The following PDZD2 variants were observed in gnomAD, a reference collection of about 807,000 sequenced individuals.
PDZD2 encodes PDZ domain-containing protein 2.
Under a neutral mutation model 220.7 loss-of-function variants are expected in PDZD2, and 90 were observed. That is an observed-to-expected ratio of 0.41 (90% CI 0.34 to 0.49). The LOEUF is 0.49. Among genes scored for constraint, PDZD2 ranks in the 20% least tolerant of loss-of-function variants. The pLI is 0.28. For missense variants in PDZD2, 3,174 were observed against 3,608.5 expected (o/e 0.88, Z 3.08); for synonymous variants, 1,375 against 1,450.5 (o/e 0.95, Z 1.18).
At chr5:31,842,250 T>C (rs949348795) in intron 2 of PDZD2, among the ~76,000 whole-genome samples, 11 of 152,218 alleles carry the variant, frequency 7.2e-5, no homozygotes, top group African/African-American at 2.7e-4. Flanking sequence ...ACAATTACAG[T>C]CATTGTTAAT....
chr5:31,870,093 T>C (rs1738645089), intron 2 of PDZD2, among the ~76,000 whole-genome samples: 1 of 152,214 alleles, frequency 6.6e-6, no homozygotes, highest in Non-Finnish European at 1.5e-5. Context: ...CACCTGTTTC[T>C]GTGTTCTTGG....
At chr5:31,910,442 T>C (rs1240273550) in intron 2 of PDZD2, among the ~76,000 whole-genome samples, 5 of 148,798 alleles carry the variant, frequency 3.4e-5, no homozygotes, top group African/African-American at 1.2e-4. Flanking sequence ...AGTCTCACTC[T>C]GTCAACTGGG....
chr5:31,960,116 G>C (rs895882037), intron 2 of PDZD2, among the ~76,000 whole-genome samples: 4 of 152,136 alleles, frequency 2.6e-5, no homozygotes, highest in African/African-American at 9.7e-5. Context: ...TGAGGTTTCA[G>C]GTGGACAGGA....
chr5:32,096,829 A>ATTTTT lies in PDZD2; in HGVS notation c.7846-430_7846-426dup, dbSNP rs71831480. On this transcript the variant is annotated intron_variant, in intron 21 of 24. Transcript: ENST00000438447. Reference sequence around the variant, plus strand: ...CATCATGATCAAATTATGTACTATGATTTTTTTTTTTTTTTTTTTTTTTTG... The same window carrying ATTTTT: ...CATCATGATCAAATTATGTACTATGATTTTTTTTTTTTTTTTTTTTTTTTTTTTTG... Among the ~76,000 whole-genome samples the ATTTTT allele has an allele frequency of 4.6e-3, 445 of 96,786 alleles. 19 individuals carry two copies. The highest frequency in any genetic ancestry group is 5.5e-3 in the East Asian group (17 of 3,086). 63.5% of individuals were successfully genotyped at this position (96,786 alleles called of 152,430 possible). A position where few individuals can be genotyped will look rare whatever the true frequency, so the allele number is the denominator to read the frequency against.
chr5:31,645,744 C>A (rs1267775700), intron 1 of PDZD2, among the ~76,000 whole-genome samples: 1 of 152,078 alleles, frequency 6.6e-6, no homozygotes, highest in African/African-American at 2.4e-5. Context: ...CTCAGGACAG[C>A]CATCATCCTG....
chr5:31,834,678 G>A (rs1394184423), intron 2 of PDZD2, among the ~76,000 whole-genome samples: 1 of 142,444 alleles, frequency 7.0e-6, no homozygotes, highest in African/African-American at 2.6e-5. Flanking sequence ...AGTGATTAGG[G>A]AACATACCTT....
chr5:32,011,575 G>A (rs1753327067), intron 6 of PDZD2, among the ~76,000 whole-genome samples: 1 of 152,088 alleles, frequency 6.6e-6, no homozygotes, highest in African/African-American at 2.4e-5. Context: ...TTTTTAGTGT[G>A]AACTCTTATT....
intron 2 of PDZD2, among the ~76,000 whole-genome samples, chr5:31,932,417 C>T (rs1581109273): frequency 2.0e-5 from 3 of 151,990 alleles, no homozygotes; most frequent in South Asian, 2.1e-4. Context: ...GGCGTGGTGG[C>T]GTGTGCCTGT....
At chr5:31,930,772 A>G (rs966162900) in intron 2 of PDZD2, among the ~76,000 whole-genome samples, 1 of 152,118 alleles carries the variant, frequency 6.6e-6, no homozygotes, top group Non-Finnish European at 1.5e-5. Context: ...GGCATGCCCT[A>G]AAAAACCCAC....
At chr5:31,978,619 G>A (rs539903160) in intron 2 of PDZD2, among the ~76,000 whole-genome samples, 1 of 151,526 alleles carries the variant, frequency 6.6e-6, no homozygotes, top group African/African-American at 2.4e-5. Context: ...GGAGGCTGAG[G>A]CAGGAGAATG....
chr5:31,881,318 C>T (rs1040876147), intron 2 of PDZD2, among the ~76,000 whole-genome samples: 3 of 135,954 alleles, frequency 2.2e-5, no homozygotes, highest in South Asian at 2.4e-4. Flanking sequence ...CATCCCATTT[C>T]CATATATATG....
At chr5:31,998,074 C>T (rs1172866119) in intron 4 of PDZD2, among the ~76,000 whole-genome samples, 1 of 152,122 alleles carries the variant, frequency 6.6e-6, no homozygotes, top group African/African-American at 2.4e-5. Flanking sequence ...AACTCCTGAC[C>T]TCGTGATCCA....
chr5:32,058,327 T>TC lies in PDZD2; in HGVS notation c.2200+228dup, dbSNP rs542053954. ...CAGTAGCATGGAGCTCTCTAAGCTC[T>TC]CCCCATGAATCACTGTGGGTCAGAG... On this transcript the variant is annotated intron_variant, in intron 12 of 24. Transcript: ENST00000438447. Among the ~76,000 whole-genome samples the TC allele has an allele frequency of 1.8e-4, 27 of 147,790 alleles. No individual in the cohort carries two copies. In the East Asian group the frequency reaches 5.0e-3, roughly 27 times the overall value.
chr5:31,726,209 C>A (rs1185616786), intron 1 of PDZD2, among the ~76,000 whole-genome samples: 1 of 152,140 alleles, frequency 6.6e-6, no homozygotes, highest in East Asian at 1.9e-4. Flanking sequence ...CCGTTGCCAC[C>A]TTTTTATGCG....
At chr5:32,103,319 G>GAGGCAGAAGGATCGCTTC (rs1339910224) in intron 24 of PDZD2, 1 of 152,366 alleles carries the variant, frequency 6.6e-6, no homozygotes, top group African/African-American at 2.4e-5. Flanking sequence ...TTAGGAGGCT[G>GAGGCAGAAGGATCGCTTC]AGGCAGAAGG....
intron 1 of PDZD2, among the ~76,000 whole-genome samples, chr5:31,668,223 T>G (rs1746081263): frequency 6.6e-6 from 1 of 152,156 alleles, no homozygotes; most frequent in Non-Finnish European, 1.5e-5. Flanking sequence ...CTTTCCAATC[T>G]TACAGGAATT....
intron 1 of PDZD2, chr5:31,665,054 GGT>G (rs1469085281): frequency 6.6e-6 from 1 of 152,266 alleles, no homozygotes; most frequent in Non-Finnish European, 1.5e-5. Flanking sequence ...ATGGAATTGT[GGT>G]GTTTGCCTGC....
At chr5:31,750,315 T>C (rs1290728445) in intron 1 of PDZD2, among the ~76,000 whole-genome samples, 1 of 152,196 alleles carries the variant, frequency 6.6e-6, no homozygotes, top group African/African-American at 2.4e-5. Context: ...TCAGCTCCCC[T>C]GTACATCCTC....
rs1390033848 is a variant in PDZD2, at chr5:31,862,110, T to TG, written c.476+62386_476+62387insG. On this transcript the variant is annotated intron_variant, in intron 2 of 24. Transcript: ENST00000438447. The stretch of plus-strand genomic sequence containing the variant: ...AATGTTTTTTTTTTGGGTTTTTTTT[T>TG]TTTTTTTTTTTTTGAGATGGAGTCT... 6.5e-5 allele frequency among the ~76,000 whole-genome samples: 9 copies of TG among 139,194 alleles called. No individual in the cohort carries two copies. The East Asian group carries it at 1.3e-3, about 20-fold the overall frequency. The allele number at this position is 139,194 out of a possible 152,430, so 91.3% of individuals were successfully genotyped here. A position where few individuals can be genotyped will look rare whatever the true frequency, so the allele number is the denominator to read the frequency against.
Sources: gnomAD v4.1 joint callset for allele counts (sites outside exome capture counted in the v4.1 genomes callset) on GRCh38, gnomAD v4.1.1 for gene constraint, MANE v1.5 for transcripts, NCBI Gene and HGNC (gene_info 2026-07-23, HGNC 2026-07-21) for gene names.